Variants in ZBTB41 observed in about 807,000 individuals in gnomAD.
ZBTB41 encodes zinc finger and BTB domain-containing protein 41.
In ZBTB41, 42 loss-of-function variants were observed where a neutral mutation model predicts 87.6. That is an observed-to-expected ratio of 0.48 (90% CI 0.37 to 0.62). ZBTB41 has a LOEUF of 0.62. ZBTB41 is among the 20% of genes least tolerant of loss of function. The pLI, the probability that ZBTB41 is intolerant of heterozygous loss-of-function variation, is 0.00. For missense variants in ZBTB41, 799 were observed against 1,078.9 expected, an observed-to-expected ratio of 0.74 and a Z score of 3.63; for synonymous variants, 364 against 364.0, an observed-to-expected ratio of 1.00 and a Z score of 0.00.
At chr1:197,191,996 A>G in intron 2 of ZBTB41, 97 bp from the exon 3 acceptor site, 1 of 924,254 alleles carries the variant, frequency 1.1e-6, no homozygotes. Context: ...TAGCAAACTT[A>G]TATACACATC....
intron 7 of ZBTB41, among the ~76,000 whole-genome samples, chr1:197,177,547 T>C (rs1659639424): frequency 6.6e-6 from 1 of 152,154 alleles, no homozygotes; most frequent in South Asian, 2.1e-4. Flanking sequence ...TATTTAAGAA[T>C]TTTCTTTTCT....
intron 5 of ZBTB41, among the ~76,000 whole-genome samples, chr1:197,185,752 CAAAATG>C (rs1659867366): frequency 6.6e-6 from 1 of 151,956 alleles, no homozygotes; most frequent in Non-Finnish European, 1.5e-5. Context: ...AACAATCCCC[CAAAATG>C]AAATATTTAG....
intron 2 of ZBTB41, among the ~76,000 whole-genome samples, chr1:197,193,405 C>A (rs567466480): frequency 2.1e-3 from 322 of 151,118 alleles, no homozygotes; most frequent in African/African-American, 7.5e-3. Flanking sequence ...ACCAAAAAAA[C>A]AAAAAAACCC....
chr1:197,166,575 G>A (rs1659348639), intron 10 of ZBTB41, among the ~76,000 whole-genome samples: 1 of 152,024 alleles, frequency 6.6e-6, no homozygotes, highest in Non-Finnish European at 1.5e-5. Context: ...GCCCAGCATG[G>A]TGGCTCACAC....
chr1:197,199,378 A>G lies in ZBTB41; in HGVS notation c.1096T>C (p.Cys366Arg). 6.4e-7 allele frequency: 1 copy of G among 1,573,512 alleles called. No individual in the cohort carries two copies. The highest frequency in any genetic ancestry group is 1.2e-5 in the South Asian group (1 of 82,176). Residue 366 changes from cysteine to arginine, a missense_variant, in exon 2 of 11, where the codon TGT becomes CGT. Coordinates refer to ENST00000367405, the MANE Select transcript of ZBTB41 (RefSeq NM_194314.3). ...SNKKILQCPK[C>R]DKTFDRIGKY... is the part of the protein sequence containing the mutation. ...CCTATTCGGTCAAATGTTTTATCACATTTAGGACACTGCAATATTTTTTTG... is the reference window on the plus strand; with the variant it reads ...CCTATTCGGTCAAATGTTTTATCACGTTTAGGACACTGCAATATTTTTTTG...
rs1383651173 is a variant in ZBTB41 at position 197,156,688 on chromosome 1, A to G, written c.*2671T>C. 6.6e-6 allele frequency: 1 copy of G among 152,216 alleles called. No individual in the cohort carries two copies. The highest frequency in any genetic ancestry group is 1.5e-5 in the Non-Finnish European group (1 of 67,756). 9.4% of individuals were successfully genotyped at this position (152,216 alleles called of 1,614,324 possible). On this transcript the variant is annotated 3_prime_UTR_variant, in exon 11 of 11. Transcript: ENST00000367405. ...TCCATGAGGTTTTCACAATTGTAAAATTTCTTACATTTTTGGAAATTAGAG... is the reference window on the plus strand; with the variant it reads ...TCCATGAGGTTTTCACAATTGTAAAGTTTCTTACATTTTTGGAAATTAGAG...
At chr1:197,198,214 C>T (rs952072048) in intron 2 of ZBTB41, among the ~76,000 whole-genome samples, 2 of 152,172 alleles carry the variant, frequency 1.3e-5, no homozygotes, top group South Asian at 2.1e-4. Flanking sequence ...TGTTTACACA[C>T]AGCCTCAGTT....
At position 197,154,770 on chromosome 1, in the gene ZBTB41, G is replaced by C. The variant is rs976742053; in HGVS notation, c.*4589C>G. Reference sequence around the variant, plus strand: ...AAGAACTGTCTAGTTTCTAGAAGTCGTTTAGAAAATTATTCTCACATTATC... The same window carrying C: ...AAGAACTGTCTAGTTTCTAGAAGTCCTTTAGAAAATTATTCTCACATTATC... On this transcript the variant is annotated 3_prime_UTR_variant, in exon 11 of 11. Transcript: ENST00000367405. The C allele has an allele frequency of 6.6e-6, 1 of 152,390 alleles. No individual in the cohort carries two copies. The highest frequency in any genetic ancestry group is 2.4e-5 in the African/African-American group (1 of 41,414). 9.4% of individuals were successfully genotyped at this position (152,390 alleles called of 1,614,324 possible). A position where few individuals can be genotyped will look rare whatever the true frequency, so the allele number is the denominator to read the frequency against.
chr1:197,153,765 TCA>T lies in ZBTB41; in HGVS notation c.*5592_*5593del, dbSNP rs1221638147. ...CAATATACAGTACACTTCCTACTCTTCACAGAGAACTGAAATTTTCTATAAAG... is the reference window on the plus strand; with the variant it reads ...CAATATACAGTACACTTCCTACTCTTCAGAGAACTGAAATTTTCTATAAAG... On this transcript the variant is annotated 3_prime_UTR_variant, in exon 11 of 11. Transcript: ENST00000367405. 2 of 152,106 alleles carry T rather than the reference TCA, an allele frequency of 1.3e-5. No individual in the cohort carries two copies. Among genetic ancestry groups the T allele is most frequent in the African/African-American group, 4.8e-5 (2 of 41,436 alleles). 9.4% of individuals were successfully genotyped at this position (152,106 alleles called of 1,614,324 possible). A position where few individuals can be genotyped will look rare whatever the true frequency, so the allele number is the denominator to read the frequency against.
rs142158472 is a variant in ZBTB41, at chr1:197,184,352, G to T, written c.1547-3235C>A. ...TAGTCTTATATACTAGACTCACAAAGATTAAGAATCCCTTGTTGCGCAATA... is the reference window on the plus strand; with the variant it reads ...TAGTCTTATATACTAGACTCACAAATATTAAGAATCCCTTGTTGCGCAATA... On this transcript the variant is annotated intron_variant, in intron 5 of 10. Coordinates refer to ENST00000367405, the MANE Select transcript of ZBTB41 (RefSeq NM_194314.3). 7.3e-3 allele frequency among the ~76,000 whole-genome samples: 1,116 copies of T among 152,256 alleles called. 13 individuals carry two copies. The highest frequency in any genetic ancestry group is 0.026 in the African/African-American group (1,060 of 41,542).
chr1:197,176,928 A>G (rs1659623565), intron 7 of ZBTB41, among the ~76,000 whole-genome samples: 1 of 152,088 alleles, frequency 6.6e-6, no homozygotes, highest in Non-Finnish European at 1.5e-5. Flanking sequence ...ATTCCTTCCC[A>G]TCATATTAGA....
At position 197,159,500 on chromosome 1, in the gene ZBTB41, A is replaced by G; in HGVS notation, c.2589T>C (p.Thr863=). 1.9e-6 allele frequency: 3 copies of G among 1,613,846 alleles called. No homozygotes were observed. The highest frequency in any genetic ancestry group is 1.7e-6 in the Non-Finnish European group (2 of 1,179,822). ...GGTGAACTATATTTGCAGGTTGAGG[A>G]GTAAGAGTATATTTTTCCAGAAAAG... ...DLAFLEKYTL[T]PQPANIVHPV... Residue 863 remains threonine, a synonymous_variant, in exon 11 of 11, where the codon ACT becomes ACC. Transcript: ENST00000367405.
In ZBTB41 at chr1:197,191,881, G is replaced by T. The variant is rs776546228; in HGVS notation, c.1139C>A (p.Thr380Asn). 3 of 1,603,854 alleles carry T rather than the reference G, an allele frequency of 1.9e-6. No individual in the cohort carries two copies. The highest frequency in any genetic ancestry group is 2.5e-6 in the Non-Finnish European group (3 of 1,176,542). The change falls in exon 3 of 11, where the codon ACC becomes AAC. Residue 380 changes from threonine (T) to asparagine (N), a missense_variant. Thr to Asn is a moderately conservative substitution (Grantham distance 65). Coordinates refer to ENST00000367405, the MANE Select transcript of ZBTB41 (RefSeq NM_194314.3). ...GGGCTTCTCACCTGTGTGAACACGG[G>T]TGTGGCTCTCATATTTTCCTATAAA... ...FDRIGKYESH[T>N]RVHTGEKPFE...
rs1461622515 is a variant in ZBTB41 at position 197,159,556 on chromosome 1, A to T, written c.2533T>A (p.Ser845Thr). Reference protein sequence around the residue: ...SHEILSPQPQSTDYPRAADLA... With the variant: ...SHEILSPQPQTTDYPRAADLA... ...TCCGCTGCTCGTGGATAATCAGTTG[A>T]CTGTGGCTGTGGTGACAGAATCTCA... The change falls in exon 11 of 11, where the codon TCA (serine) becomes ACA (threonine). Residue 845 changes from serine to threonine, a missense_variant. By Grantham distance (58) the Ser-to-Thr change is moderately conservative. Transcript: ENST00000367405. 6.2e-7 allele frequency: 1 copy of T among 1,613,974 alleles called. No homozygotes were observed. Among genetic ancestry groups the T allele is most frequent in the South Asian group, 1.1e-5 (1 of 91,088 alleles).
At chr1:197,186,205 A>G (rs532648547) in intron 5 of ZBTB41, among the ~76,000 whole-genome samples, 1 of 152,254 alleles carries the variant, frequency 6.6e-6, no homozygotes, top group South Asian at 2.1e-4. Flanking sequence ...TTTCACAAAG[A>G]AGCAGAGCCA....
chr1:197,194,270 G>A (rs980336282), intron 2 of ZBTB41, among the ~76,000 whole-genome samples: 1 of 151,966 alleles, frequency 6.6e-6, no homozygotes, highest in East Asian at 1.9e-4. Context: ...CGTCCACCTC[G>A]GCCTCCCAAA....
chr1:197,176,715 G>T, intron 7 of ZBTB41, 45 bp from the exon 8 acceptor site: 1 of 1,353,432 alleles, frequency 7.4e-7, no homozygotes, highest in Non-Finnish European at 1.1e-6. Flanking sequence ...TGGTGACATA[G>T]AAGGAAAAAG....
chr1:197,173,712 C>A (rs779026777), intron 9 of ZBTB41, among the ~76,000 whole-genome samples: 1 of 152,100 alleles, frequency 6.6e-6, no homozygotes, highest in South Asian at 2.1e-4. Context: ...GCAAAAGACT[C>A]CTAACCAGTA....
At chr1:197,184,804 A>ATTTATTTAT (rs2125134659) in intron 5 of ZBTB41, among the ~76,000 whole-genome samples, 1 of 150,710 alleles carries the variant, frequency 6.6e-6, no homozygotes, top group South Asian at 2.1e-4. Context: ...CTATTTATTT[A>ATTTATTTAT]TTTATTTATT....
Sources: allele counts gnomAD v4.1 joint callset (sites outside exome capture counted in the v4.1 genomes callset), GRCh38; gene constraint gnomAD v4.1.1; transcripts MANE v1.5; gene names NCBI Gene and HGNC (gene_info 2026-07-23, HGNC 2026-07-21).